EDC4: variants seen among roughly 807,000 people sequenced by gnomAD.
EDC4 encodes the protein enhancer of mRNA-decapping protein 4.
EDC4 carries 64 observed loss-of-function variants against 155.8 expected under a neutral mutation model. The observed-to-expected ratio is 0.41, with a 90% CI of 0.34 to 0.51. The LOEUF (loss-of-function observed/expected upper bound fraction) is 0.51, where lower values mean the gene tolerates loss of function less well. EDC4 is among the 20% of genes least tolerant of loss of function. The pLI is 0.19. For synonymous variants in EDC4, 684 were observed against 716.8 expected (o/e 0.95, Z 0.73); for missense variants, 1,303 against 1,812.5 (o/e 0.72, Z 5.10).
chr16:67,881,180 G>T lies in EDC4; in HGVS notation c.2636G>T (p.Ser879Ile). The T allele has an allele frequency of 6.2e-7, 1 of 1,614,126 alleles. No homozygotes were observed. The highest frequency in any genetic ancestry group is 8.5e-7 in the Non-Finnish European group (1 of 1,180,028). ...AGCCAGGATGCCAGTGCTGAGCAAAGGTGGGAGCCACTCTACACCATTGCC... is the reference window on the plus strand; with the variant it reads ...AGCCAGGATGCCAGTGCTGAGCAAATGTGGGAGCCACTCTACACCATTGCC... ...RDSQDASAEQSDHDDEVASLA... is the reference protein window; with the variant it reads ...RDSQDASAEQIDHDDEVASLA... Residue 879 changes from serine to isoleucine, a missense_variant and splice_region_variant, in exon 19 of 29, where the codon AGT (serine) becomes ATT (isoleucine). This residue lies in a region of EDC4 where 527 missense variants were observed against 757.0 expected (regional missense o/e 0.70). Coordinates refer to ENST00000358933, the MANE Select transcript of EDC4 (RefSeq NM_014329.5). The surrounding 1 kb of genome is among the most constrained non-coding windows in gnomAD (Gnocchi z 5.4).
chr16:67,875,875 A>T, intron 1 of EDC4, 70 bp from the exon 2 acceptor site: 1 of 1,558,262 alleles, frequency 6.4e-7, no homozygotes, highest in Non-Finnish European at 8.7e-7. Flanking sequence ...TTCTTGAAGG[A>T]AACTCTGAAA....
rs144307755 is a variant in EDC4, at chr16:67,879,690, C to T, written c.1737C>T (p.Ala579=). 75 of 1,614,184 alleles carry T rather than the reference C, an allele frequency of 4.6e-5. No homozygotes were observed. The highest frequency in any genetic ancestry group is 3.8e-4 in the East Asian group (17 of 44,882). ...LRRIVELPAP[A]DFLSLSSETK... ...GAATCGTGGAGCTGCCTGCACCTGC[C>T]GACTTCCTCAGTCTGAGCAGTGAGA... is the stretch of plus-strand genomic sequence containing the variant. Residue 579 remains alanine, a synonymous_variant, in exon 15 of 29, where the codon GCC becomes GCT. Coordinates refer to ENST00000358933, the MANE Select transcript of EDC4 (RefSeq NM_014329.5). This position sits in a 1 kb window ranked among gnomAD's most constrained non-coding sequence, Gnocchi z 6.0.
In EDC4 at chr16:67,879,825, G is replaced by C. The variant is rs1487813254; in HGVS notation, c.1822-25G>C. Reference sequence around the variant, plus strand: ...GGGAATGCCTCAGCCACAGGCCACAGGTCTTATTTCCTGCATCTCCCCAGA... The same window carrying C: ...GGGAATGCCTCAGCCACAGGCCACACGTCTTATTTCCTGCATCTCCCCAGA... On this transcript the variant is annotated intron_variant, in intron 15 of 28. Transcript: ENST00000358933. The surrounding 1 kb of genome is among the most constrained non-coding windows in gnomAD (Gnocchi z 6.0). The C allele has an allele frequency of 1.2e-6, 2 of 1,613,404 alleles. No individual in the cohort carries two copies. Among genetic ancestry groups the C allele is most frequent in the African/African-American group, 2.7e-5 (2 of 74,906 alleles).
chr16:67,873,090 T>TGGGGTTGGCG lies in EDC4; in HGVS notation c.-168_-159dup, dbSNP rs1178825336. ...GGGTGCCGGAAGTGGAGGCGGTTGG[T>TGGGGTTGGCG]GGGGTTGGCGGGGCTCAGCGACGCT... On this transcript the variant is annotated 5_prime_UTR_variant, in exon 1 of 29. Coordinates refer to ENST00000358933, the MANE Select transcript of EDC4 (RefSeq NM_014329.5). The TGGGGTTGGCG allele has an allele frequency of 2.4e-3, 1,070 of 444,814 alleles. 12 individuals are homozygous for TGGGGTTGGCG. The highest frequency in any genetic ancestry group is 0.02 in the African/African-American group (991 of 48,708). The allele number at this position is 444,814 out of a possible 1,614,324, so 27.6% of individuals were successfully genotyped here. A position where few individuals can be genotyped will look rare whatever the true frequency, so the allele number is the denominator to read the frequency against.
chr16:67,876,099 C>A lies in EDC4; in HGVS notation c.237C>A (p.Val79=). 1.2e-6 allele frequency: 2 copies of A among 1,613,850 alleles called. No homozygotes were observed. The highest frequency in any genetic ancestry group is 2.2e-5 in the South Asian group (2 of 91,044). ...CCATTAACCTGCAAGAGAAGCAGGT[C>A]ATGTGAGTACCTAGGAGACGACAAT... is the stretch of plus-strand genomic sequence containing the variant. The part of the protein sequence containing the change: ...MPPINLQEKQ[V]ICLSGDDSST... The change falls in exon 2 of 29, where the codon GTC becomes GTA. Residue 79 remains valine, a splice_region_variant and synonymous_variant. Transcript: ENST00000358933. The surrounding 1 kb of genome is among the most constrained non-coding windows in gnomAD (Gnocchi z 5.8).
Position 67,873,125 on chromosome 16 carries a change from G to T in EDC4, c.-137G>T. ...GGGGCTCAGCGACGCTGCGCGGGTG[G>T]CGGTTTGCGAACTGCGGGTGGACTG... is the stretch of plus-strand genomic sequence containing the variant. On this transcript the variant is annotated 5_prime_UTR_variant, in exon 1 of 29. Transcript: ENST00000358933. The T allele has an allele frequency of 1.7e-6, 1 of 587,860 alleles. No homozygotes were observed. Among genetic ancestry groups the T allele is most frequent in the Non-Finnish European group, 2.6e-6 (1 of 381,468 alleles). 36.4% of individuals were successfully genotyped at this position (587,860 alleles called of 1,614,324 possible).
In EDC4 at chr16:67,884,172, G is replaced by T. The variant is rs748193357; in HGVS notation, c.*24G>T. The T allele has an allele frequency of 8.2e-6, 13 of 1,583,022 alleles. No individual in the cohort carries two copies. The highest frequency in any genetic ancestry group is 9.5e-6 in the Non-Finnish European group (11 of 1,162,814). On this transcript the variant is annotated 3_prime_UTR_variant, in exon 29 of 29. Coordinates refer to ENST00000358933, the MANE Select transcript of EDC4 (RefSeq NM_014329.5). The surrounding 1 kb of genome is among the most constrained non-coding windows in gnomAD (Gnocchi z 4.1). The stretch of plus-strand genomic sequence containing the variant: ...AGCTGCTAAGCCTGCCTTGCCCAGG[G>T]GTGGGATGGCACTGAAGGCCAGCAG...
chr16:67,878,448 G>A lies in EDC4; in HGVS notation c.1088+5G>A, dbSNP rs370691817. 3.1e-6 allele frequency: 5 copies of A among 1,614,124 alleles called. No individual in the cohort carries two copies. The African/African-American group carries it at 5.3e-5, about 17-fold the overall frequency. On this transcript the variant is annotated splice_donor_5th_base_variant and intron_variant, in intron 9 of 28. Coordinates refer to ENST00000358933, the MANE Select transcript of EDC4 (RefSeq NM_014329.5). This position sits in a 1 kb window ranked among gnomAD's most constrained non-coding sequence, Gnocchi z 5.2. ...CCATAAGAAACAAGACCCTGAGTGA[G>A]TGAGTGGGCAGCCTAGTGGGTGGTG...
In EDC4 at chr16:67,878,079, C is replaced by A; in HGVS notation, c.895-87C>A. 6.3e-7 allele frequency: 1 copy of A among 1,575,746 alleles called. No homozygotes were observed. ...AGTCACACAAGCATGCCAGTCCCAC[C>A]GTGAGTCAGCCCAGCTCATTGCCAT... On this transcript the variant is annotated intron_variant, in intron 7 of 28. Coordinates refer to ENST00000358933, the MANE Select transcript of EDC4 (RefSeq NM_014329.5). This position sits in a 1 kb window ranked among gnomAD's most constrained non-coding sequence, Gnocchi z 5.2.
chr16:67,879,826 G>A lies in EDC4; in HGVS notation c.1822-24G>A. 1 of 1,613,494 alleles carries A rather than the reference G, an allele frequency of 6.2e-7. No individual in the cohort carries two copies. The highest frequency in any genetic ancestry group is 8.5e-7 in the Non-Finnish European group (1 of 1,179,740). ...GGAATGCCTCAGCCACAGGCCACAG[G>A]TCTTATTTCCTGCATCTCCCCAGAT... On this transcript the variant is annotated intron_variant, in intron 15 of 28. Transcript: ENST00000358933. The surrounding 1 kb of genome is among the most constrained non-coding windows in gnomAD (Gnocchi z 6.0).
At position 67,882,652 on chromosome 16, in the gene EDC4, CT is replaced by C. The variant is rs2058074020; in HGVS notation, c.3443-25del. 1.2e-6 allele frequency: 2 copies of C among 1,614,116 alleles called. No homozygotes were observed. The highest frequency in any genetic ancestry group is 1.7e-6 in the Non-Finnish European group (2 of 1,180,052). On this transcript the variant is annotated intron_variant, in intron 25 of 28. Transcript: ENST00000358933. This position sits in a 1 kb window ranked among gnomAD's most constrained non-coding sequence, Gnocchi z 7.2. Reference sequence around the variant, plus strand: ...GGTTATCCTCTTTCCTACTGTTCCTCTTATAGTCCCTGTGGTCACCCCTCAG... The same window carrying C: ...GGTTATCCTCTTTCCTACTGTTCCTCTATAGTCCCTGTGGTCACCCCTCAG...
chr16:67,875,851 A>G (rs1227893309), intron 1 of EDC4, 94 bp from the exon 2 acceptor site: 37 of 1,531,320 alleles, frequency 2.4e-5, no homozygotes, highest in Non-Finnish European at 3.2e-5. Context: ...GAGTGTTCCT[A>G]GAGCACCTCA....
At position 67,881,877 on chromosome 16, in the gene EDC4, T is replaced by C; in HGVS notation, c.3004+32T>C. The C allele has an allele frequency of 6.2e-7, 1 of 1,607,204 alleles. No individual in the cohort carries two copies. The highest frequency in any genetic ancestry group is 8.5e-7 in the Non-Finnish European group (1 of 1,174,414). The stretch of plus-strand genomic sequence containing the variant: ...TTGAGACTGGTAGCACAACATGGCA[T>C]AGGGACGGGGGCAGCATTCTTGGCC... On this transcript the variant is annotated intron_variant, in intron 22 of 28. Transcript: ENST00000358933. The surrounding 1 kb of genome is among the most constrained non-coding windows in gnomAD (Gnocchi z 5.4).
At position 67,880,899 on chromosome 16, in the gene EDC4, G is replaced by A; in HGVS notation, c.2440G>A (p.Ala814Thr). 6.2e-7 allele frequency: 1 copy of A among 1,614,004 alleles called. No homozygotes were observed. The highest frequency in any genetic ancestry group is 8.5e-7 in the Non-Finnish European group (1 of 1,180,000). ...RHNTPSLLEA[A>T]LTQEASTPDS... is the part of the protein sequence containing the mutation. ...TAATACCCCCTCCCTCCTGGAGGCAGCCTTGACCCAGGAGGCCTCGACTCC... is the reference window on the plus strand; with the variant it reads ...TAATACCCCCTCCCTCCTGGAGGCAACCTTGACCCAGGAGGCCTCGACTCC... Residue 814 changes from alanine (A) to threonine (T), a missense_variant, in exon 18 of 29, where the codon GCC becomes ACC. This residue lies in a region of EDC4 where 527 missense variants were observed against 757.0 expected (regional missense o/e 0.70). Coordinates refer to ENST00000358933, the MANE Select transcript of EDC4 (RefSeq NM_014329.5). This position sits in a 1 kb window ranked among gnomAD's most constrained non-coding sequence, Gnocchi z 5.2.
Position 67,873,101 on chromosome 16 carries a change from G to C in EDC4, c.-161G>C, listed in dbSNP as rs1309855655. 3 of 487,858 alleles carry C rather than the reference G, an allele frequency of 6.1e-6. No individual in the cohort carries two copies. The highest frequency in any genetic ancestry group is 1.0e-5 in the Non-Finnish European group (3 of 294,668). The allele number at this position is 487,858 out of a possible 1,614,324, so 30.2% of individuals were successfully genotyped here. On this transcript the variant is annotated 5_prime_UTR_variant, in exon 1 of 29. Transcript: ENST00000358933. ...GTGGAGGCGGTTGGTGGGGTTGGCG[G>C]GGCTCAGCGACGCTGCGCGGGTGGC...
In EDC4 at chr16:67,877,809, C is replaced by A; in HGVS notation, c.858C>A (p.Ile286=). The change falls in exon 7 of 29, where the codon ATC becomes ATA. Residue 286 remains isoleucine (I), a synonymous_variant. Transcript: ENST00000358933. This position sits in a 1 kb window ranked among gnomAD's most constrained non-coding sequence, Gnocchi z 4.9. ...HSTWPVDVSQ[I]KQGFIVVKGH... Reference sequence around the variant, plus strand: ...CCTGGCCTGTGGATGTTAGCCAGATCAAGCAGGGCTTCATTGTGGTAAAAG... The same window carrying A: ...CCTGGCCTGTGGATGTTAGCCAGATAAAGCAGGGCTTCATTGTGGTAAAAG... 1 of 1,614,162 alleles carries A rather than the reference C, an allele frequency of 6.2e-7. No individual in the cohort carries two copies. Among genetic ancestry groups the A allele is most frequent in the Non-Finnish European group, 8.5e-7 (1 of 1,180,036 alleles).
chr16:67,882,600 TG>T lies in EDC4; in HGVS notation c.3442+10del. On this transcript the variant is annotated splice_region_variant and intron_variant, in intron 25 of 28. Coordinates refer to ENST00000358933, the MANE Select transcript of EDC4 (RefSeq NM_014329.5). The surrounding 1 kb of genome is among the most constrained non-coding windows in gnomAD (Gnocchi z 7.2). Reference sequence around the variant, plus strand: ...CCGGCTGGGGACACAGGAATGTGAGTGGGGTCATATGGCCCAAGGTGGGAGG... The same window carrying T: ...CCGGCTGGGGACACAGGAATGTGAGTGGGTCATATGGCCCAAGGTGGGAGG... 1 of 1,614,046 alleles carries T rather than the reference TG, an allele frequency of 6.2e-7. No individual in the cohort carries two copies. The highest frequency in any genetic ancestry group is 8.5e-7 in the Non-Finnish European group (1 of 1,179,996).
Position 67,884,468 on chromosome 16 carries a change from G to A in EDC4, c.*320G>A. On this transcript the variant is annotated 3_prime_UTR_variant, in exon 29 of 29. Coordinates refer to ENST00000358933, the MANE Select transcript of EDC4 (RefSeq NM_014329.5). This position sits in a 1 kb window ranked among gnomAD's most constrained non-coding sequence, Gnocchi z 4.1. Reference sequence around the variant, plus strand: ...GATCTTTTTGTTTTTGAAAAACATTGAGAAATTCAATTAAATGCTTTTGGA... The same window carrying A: ...GATCTTTTTGTTTTTGAAAAACATTAAGAAATTCAATTAAATGCTTTTGGA... 1 of 498,774 alleles carries A rather than the reference G, an allele frequency of 2.0e-6. No individual in the cohort carries two copies. The highest frequency in any genetic ancestry group is 3.6e-6 in the Non-Finnish European group (1 of 281,426). 30.9% of individuals were successfully genotyped at this position (498,774 alleles called of 1,614,324 possible). A position where few individuals can be genotyped will look rare whatever the true frequency, so the allele number is the denominator to read the frequency against.
chr16:67,875,174 G>T (rs1307255094), intron 1 of EDC4, among the ~76,000 whole-genome samples: 1 of 152,192 alleles, frequency 6.6e-6, no homozygotes, highest in Non-Finnish European at 1.5e-5. Context: ...CAGTTGCAAA[G>T]AACTGAAATG....
Sources: allele counts gnomAD v4.1 joint callset (sites outside exome capture counted in the v4.1 genomes callset), GRCh38; gene constraint gnomAD v4.1.1; regional missense constraint gnomAD v4.1.1; non-coding constraint Gnocchi (gnomAD v3.1); transcripts MANE v1.5; gene names NCBI Gene and HGNC (gene_info 2026-07-23, HGNC 2026-07-21).